KANK1: variants seen among roughly 807,000 people sequenced by gnomAD.
KANK1 encodes the protein KN motif and ankyrin repeat domains 1, also known as KN motif and ankyrin repeat domain-containing protein 1.
KANK1 carries 109 observed loss-of-function variants against 106.2 expected under a neutral mutation model. That is an observed-to-expected ratio of 1.03 (90% CI 0.88 to 1.20). The LOEUF (loss-of-function observed/expected upper bound fraction) is 1.20. KANK1 is among the 50% of genes most tolerant of loss of function. The pLI, the probability that KANK1 is intolerant of heterozygous loss-of-function variation, is 0.00. For missense variants in KANK1, 2,399 were observed against 1,710.7 expected, an observed-to-expected ratio of 1.40 and a Z score of -7.10; for synonymous variants, 873 against 652.2, an observed-to-expected ratio of 1.34 and a Z score of -5.16.
intron 1 of KANK1, among the ~76,000 whole-genome samples, chr9:593,095 C>G (rs1050744921): frequency 6.6e-6 from 1 of 151,762 alleles, no homozygotes; most frequent in African/African-American, 2.4e-5. Flanking sequence ...TTCTGGCCGC[C>G]AGTTTTTTTA....
At chr9:653,239 A>G (rs986181424) in intron 1 of KANK1, among the ~76,000 whole-genome samples, 4 of 152,112 alleles carry the variant, frequency 2.6e-5, no homozygotes, top group African/African-American at 9.7e-5. Context: ...GCATTTAAGT[A>G]ACGTTCCCAG....
At chr9:538,796 A>T (rs1263722371) in intron 1 of KANK1, among the ~76,000 whole-genome samples, 1 of 152,220 alleles carries the variant, frequency 6.6e-6, no homozygotes, top group Non-Finnish European at 1.5e-5. Context: ...ATAAGGGACA[A>T]CATATTTGTT....
chr9:689,332 A>T (rs1819316527), intron 2 of KANK1, among the ~76,000 whole-genome samples: 1 of 152,176 alleles, frequency 6.6e-6, no homozygotes, highest in Admixed American at 6.5e-5. Context: ...TTGTCTTTTA[A>T]GGTAGGACCA....
chr9:607,815 C>T (rs1336598369), intron 1 of KANK1, among the ~76,000 whole-genome samples: 3 of 151,690 alleles, frequency 2.0e-5, no homozygotes, highest in Admixed American at 6.6e-5. Flanking sequence ...AGAAAAAAAG[C>T]GCCGAAATGG....
Position 720,498 on chromosome 9 carries a change from C to T in KANK1, c.2698+7034C>T, listed in dbSNP as rs190929371. On this transcript the variant is annotated intron_variant, in intron 3 of 11. Coordinates refer to ENST00000382297, the MANE Select transcript of KANK1 (RefSeq NM_015158.5). ...AGCTAGGACTACAGACACTTACCAC[C>T]ATGCCCAGCTGTTTTTTGTTTTGTT... 2.0e-5 allele frequency among the ~76,000 whole-genome samples: 3 copies of T among 152,324 alleles called. No individual in the cohort carries two copies. In the East Asian group the frequency reaches 5.8e-4, roughly 29 times the overall value.
chr9:714,833 A>AC (rs1157732304), intron 3 of KANK1, among the ~76,000 whole-genome samples: 1 of 152,176 alleles, frequency 6.6e-6, no homozygotes, highest in African/African-American at 2.4e-5. Flanking sequence ...GACCATGTGC[A>AC]CTGCCTCTCA....
At chr9:575,692 T>C (rs141368567) in intron 1 of KANK1, among the ~76,000 whole-genome samples, 1 of 151,720 alleles carries the variant, frequency 6.6e-6, no homozygotes, top group African/African-American at 2.4e-5. Flanking sequence ...ATTACAGAGA[T>C]AGTGTTCTAG....
intron 1 of KANK1, among the ~76,000 whole-genome samples, chr9:508,297 C>T (rs909869948): frequency 6.6e-6 from 1 of 151,510 alleles, no homozygotes; most frequent in African/African-American, 2.4e-5. Context: ...GCCACCATGC[C>T]CGGCTAATTT....
chr9:508,932 TC>T (rs1403896224), intron 1 of KANK1, among the ~76,000 whole-genome samples: 4 of 152,200 alleles, frequency 2.6e-5, no homozygotes, highest in Admixed American at 2.6e-4. Context: ...AAGTAGAATT[TC>T]CCAGTTCCAA....
At chr9:653,743 C>G (rs1024888898) in intron 1 of KANK1, among the ~76,000 whole-genome samples, 1 of 152,222 alleles carries the variant, frequency 6.6e-6, no homozygotes, top group East Asian at 1.9e-4. Context: ...GGTTTTCATA[C>G]CTTTGTTGCA....
At chr9:583,140 C>T (rs1000640295) in intron 1 of KANK1, among the ~76,000 whole-genome samples, 17 of 152,140 alleles carry the variant, frequency 1.1e-4, no homozygotes, top group Non-Finnish European at 1.5e-5. Flanking sequence ...CCTGGGATTA[C>T]TTCTAAGGAG....
intron 1 of KANK1, among the ~76,000 whole-genome samples, chr9:570,486 C>G (rs1255142446): frequency 6.6e-6 from 1 of 152,158 alleles, no homozygotes; most frequent in Non-Finnish European, 1.5e-5. Flanking sequence ...GACCTAGACC[C>G]TGTCTCTGAG....
chr9:687,560 G>GAT (rs1818856808), intron 2 of KANK1, among the ~76,000 whole-genome samples: 1 of 152,142 alleles, frequency 6.6e-6, no homozygotes, highest in Non-Finnish European at 1.5e-5. Context: ...AGTTGTGTAA[G>GAT]ATAGGGGCAT....
intron 1 of KANK1, among the ~76,000 whole-genome samples, chr9:672,043 TAAGGTGTCTACCTTACG>T (rs1815280583): frequency 6.6e-6 from 1 of 152,240 alleles, no homozygotes; most frequent in Non-Finnish European, 1.5e-5. Context: ...TATAGGTAAC[TAAGGTGTCTACCTTACG>T]TATATGCATC....
Position 532,576 on chromosome 9 carries a change from TCTAA to T in KANK1, c.-84+27825_-84+27828del, listed in dbSNP as rs375418661. On this transcript the variant is annotated intron_variant, in intron 1 of 11. Coordinates refer to ENST00000382297, the MANE Select transcript of KANK1 (RefSeq NM_015158.5). ...GCCCCTGGTAACAACCATTCTACGT[TCTAA>T]CTGTTTTATTTTTAAATTTAGACAT... Among the ~76,000 whole-genome samples, 48 of 152,024 alleles carry T rather than the reference TCTAA, an allele frequency of 3.2e-4. No homozygotes were observed. In the East Asian group the frequency reaches 5.0e-3, roughly 16 times the overall value.
chr9:478,736 A>C (rs1309398390), intron 3 of KANK1, among the ~76,000 whole-genome samples: 1 of 152,226 alleles, frequency 6.6e-6, no homozygotes, highest in African/African-American at 2.4e-5. Context: ...TTCCATATCC[A>C]AAGAGTCTAA....
At chr9:660,010 T>C in intron 1 of KANK1, 4 of 297,832 alleles carry the variant, frequency 1.3e-5, no homozygotes, top group Non-Finnish European at 2.7e-5. Flanking sequence ...GAACCTCCAC[T>C]CTTTCCACCC....
intron 2 of KANK1, among the ~76,000 whole-genome samples, chr9:683,794 C>A (rs1217337426): frequency 6.6e-6 from 1 of 152,082 alleles, no homozygotes; most frequent in African/African-American, 2.4e-5. Context: ...CAGCTTCATC[C>A]TAGTATTAGT....
At chr9:645,107 G>A (rs1304512225) in intron 1 of KANK1, among the ~76,000 whole-genome samples, 2 of 127,940 alleles carry the variant, frequency 1.6e-5, no homozygotes, top group Non-Finnish European at 3.1e-5. Flanking sequence ...CTCAGCAACG[G>A]GGCAAGACTC....
Sources: gnomAD v4.1 joint callset for allele counts (sites outside exome capture counted in the v4.1 genomes callset) on GRCh38, gnomAD v4.1.1 for gene constraint, MANE v1.5 for transcripts, NCBI Gene and HGNC (gene_info 2026-07-23, HGNC 2026-07-21) for gene names.